The following CAMK1D variants were observed in gnomAD, a reference collection of about 807,000 sequenced individuals.
CAMK1D encodes calcium/calmodulin dependent protein kinase ID, also known as calcium/calmodulin-dependent protein kinase type 1D.
In CAMK1D, 9 loss-of-function variants were observed where a neutral mutation model predicts 47.7. The ratio of observed to expected loss-of-function variants is 0.19; its 90% confidence interval spans 0.11 to 0.33. The LOEUF is 0.33. CAMK1D is among the 10% of genes least tolerant of loss of function. The probability of loss-of-function intolerance (pLI) is 1.00; values close to 1 mark genes in which losing one functional copy is unlikely to be tolerated. For synonymous variants in CAMK1D, 184 were observed against 184.9 expected, an observed-to-expected ratio of 0.99 and a Z score of 0.04; for missense variants, 291 against 488.7, an observed-to-expected ratio of 0.60 and a Z score of 3.81.
chr10:12,749,631 T>C (rs1835856033), intron 3 of CAMK1D, among the ~76,000 whole-genome samples: 1 of 151,864 alleles, frequency 6.6e-6, no homozygotes, highest in Non-Finnish European at 1.5e-5. Context: ...CAGTCTCTGC[T>C]CACTGCAACT....
chr10:12,427,725 T>TTTTTTTTTTTTTTTTTTA (rs869212304), intron 1 of CAMK1D, among the ~76,000 whole-genome samples: 1 of 135,908 alleles, frequency 7.4e-6, no homozygotes, highest in East Asian at 2.2e-4. Flanking sequence ...TTTTTTTTTT[T>TTTTTTTTTTTTTTTTTTA]GAGACGGAGT....
At chr10:12,754,813 C>G (rs1836157261) in intron 3 of CAMK1D, among the ~76,000 whole-genome samples, 1 of 152,150 alleles carries the variant, frequency 6.6e-6, no homozygotes, top group African/African-American at 2.4e-5. Context: ...GACACCAGTC[C>G]TATTGGATTA....
chr10:12,676,367 C>T (rs1197765717), intron 3 of CAMK1D, among the ~76,000 whole-genome samples: 1 of 152,186 alleles, frequency 6.6e-6, no homozygotes, highest in Admixed American at 6.5e-5. Flanking sequence ...TAGCAACTCC[C>T]GCCACCACCT....
intron 6 of CAMK1D, among the ~76,000 whole-genome samples, chr10:12,795,912 C>T (rs572051711): frequency 2.0e-5 from 3 of 152,290 alleles, no homozygotes; most frequent in South Asian, 2.1e-4. Flanking sequence ...GGGCTGAGGA[C>T]GGCGTGGGTT....
chr10:12,502,190 T>TC (rs1834725886), intron 1 of CAMK1D, among the ~76,000 whole-genome samples: 1 of 152,134 alleles, frequency 6.6e-6, no homozygotes, highest in African/African-American at 2.4e-5. Context: ...ATGAGAGACA[T>TC]CGCAGACCGT....
At position 12,494,792 on chromosome 10, in the gene CAMK1D, C is replaced by T. The variant is rs530546409; in HGVS notation, c.93-58433C>T. On this transcript the variant is annotated intron_variant, in intron 1 of 10. Transcript: ENST00000619168. ...CCATGTTGGCCAGGCCGGTCTCAAACTCCTGACCTCAGGTGATCTGCCCAC... is the reference window on the plus strand; with the variant it reads ...CCATGTTGGCCAGGCCGGTCTCAAATTCCTGACCTCAGGTGATCTGCCCAC... 3.9e-5 allele frequency among the ~76,000 whole-genome samples: 6 copies of T among 152,324 alleles called. No homozygotes were observed. The East Asian group carries it at 9.6e-4, about 24-fold the overall frequency.
At chr10:12,688,715 GCT>G (rs1832753109) in intron 3 of CAMK1D, among the ~76,000 whole-genome samples, 1 of 151,794 alleles carries the variant, frequency 6.6e-6, no homozygotes, top group Admixed American at 6.6e-5. Flanking sequence ...ACAGAGTTTC[GCT>G]CTTGTCGCCC....
intron 1 of CAMK1D, among the ~76,000 whole-genome samples, chr10:12,383,376 A>G (rs1838397617): frequency 2.0e-5 from 3 of 152,216 alleles, no homozygotes; most frequent in Admixed American, 6.5e-5. Context: ...ACAGAATTTC[A>G]GAACATGCTC....
At chr10:12,680,881 T>C (rs553508599) in intron 3 of CAMK1D, among the ~76,000 whole-genome samples, 38 of 95,194 alleles carry the variant, frequency 4.0e-4, no homozygotes, top group African/African-American at 1.2e-3. Flanking sequence ...TGAGACCATG[T>C]CTCAAAAAAA....
chr10:12,632,153 G>T (rs1839399189), intron 2 of CAMK1D, among the ~76,000 whole-genome samples: 1 of 152,182 alleles, frequency 6.6e-6, no homozygotes, highest in African/African-American at 2.4e-5. Context: ...TGCAGACTTT[G>T]TTGCTAAGAT....
At position 12,779,881 on chromosome 10, in the gene CAMK1D, A is replaced by G. The variant is rs190902663; in HGVS notation, c.565+10082A>G. On this transcript the variant is annotated intron_variant, in intron 5 of 10. Coordinates refer to ENST00000619168, the MANE Select transcript of CAMK1D (RefSeq NM_153498.4). ...CAGCTGGTCCATCGTTCTGTCTAGAAGCAGACCTGCACCTTGATGCTTTAG... is the reference window on the plus strand; with the variant it reads ...CAGCTGGTCCATCGTTCTGTCTAGAGGCAGACCTGCACCTTGATGCTTTAG... 2.0e-5 allele frequency among the ~76,000 whole-genome samples: 3 copies of G among 152,332 alleles called. No homozygotes were observed. The East Asian group carries it at 5.8e-4, about 29-fold the overall frequency.
chr10:12,485,960 T>A (rs1031323667), intron 1 of CAMK1D, among the ~76,000 whole-genome samples: 2 of 152,236 alleles, frequency 1.3e-5, no homozygotes, highest in Non-Finnish European at 2.9e-5. Context: ...ACGGCCTGAT[T>A]TGAAGGCAGT....
chr10:12,778,530 G>C (rs1464718924), intron 5 of CAMK1D, among the ~76,000 whole-genome samples: 1 of 152,204 alleles, frequency 6.6e-6, no homozygotes, highest in Non-Finnish European at 1.5e-5. Context: ...GATTGTGGTA[G>C]ATGGGCCACA....
chr10:12,641,354 G>A (rs1839660659), intron 2 of CAMK1D, among the ~76,000 whole-genome samples: 1 of 152,196 alleles, frequency 6.6e-6, no homozygotes, highest in African/African-American at 2.4e-5. Context: ...GGGCACGGTG[G>A]CTCATGCCTG....
At chr10:12,540,264 A>G (rs1836123672) in intron 1 of CAMK1D, among the ~76,000 whole-genome samples, 1 of 152,026 alleles carries the variant, frequency 6.6e-6, no homozygotes, top group Non-Finnish European at 1.5e-5. Flanking sequence ...TTCAAAAACC[A>G]GGCTTCCATG....
chr10:12,791,830 A>G (rs1182612799), intron 6 of CAMK1D, among the ~76,000 whole-genome samples: 1 of 152,216 alleles, frequency 6.6e-6, no homozygotes, highest in African/African-American at 2.4e-5. Flanking sequence ...TGGGGTTTCT[A>G]TCTAGAAGTG....
At chr10:12,709,127 A>G (rs770261647) in intron 3 of CAMK1D, among the ~76,000 whole-genome samples, 3 of 152,106 alleles carry the variant, frequency 2.0e-5, no homozygotes, top group Admixed American at 6.5e-5. Context: ...TGAGTCACCT[A>G]TGTGGGGGGC....
intron 2 of CAMK1D, among the ~76,000 whole-genome samples, chr10:12,577,297 C>T (rs1026955632): frequency 6.6e-6 from 1 of 152,188 alleles, no homozygotes; most frequent in Non-Finnish European, 1.5e-5. Flanking sequence ...GCAGGTCTCT[C>T]ACTAGGAACT....
At chr10:12,418,134 A>G (rs1385723068) in intron 1 of CAMK1D, among the ~76,000 whole-genome samples, 1 of 152,220 alleles carries the variant, frequency 6.6e-6, no homozygotes, top group Non-Finnish European at 1.5e-5. Context: ...TCGCCCTGCC[A>G]GATGATGCAG....
Sources: gnomAD v4.1 joint callset for allele counts (sites outside exome capture counted in the v4.1 genomes callset) on GRCh38, gnomAD v4.1.1 for gene constraint, MANE v1.5 for transcripts, NCBI Gene and HGNC (gene_info 2026-07-23, HGNC 2026-07-21) for gene names.